The following SLC39A12 variants were observed in gnomAD, a reference collection of about 807,000 sequenced individuals.
The protein encoded by SLC39A12 is solute carrier family 39 member 12.
A neutral mutation model predicts 71.1 loss-of-function variants in SLC39A12; 63 were observed. The observed-to-expected ratio is 0.89, with a 90% confidence interval of 0.72 to 1.09. SLC39A12 has a LOEUF of 1.09. Ranked by LOEUF, SLC39A12 falls within the 50% of genes least tolerant of loss-of-function variation. The pLI, the probability that SLC39A12 is intolerant of heterozygous loss-of-function variation, is 0.00. For synonymous variants in SLC39A12, 351 were observed against 301.3 expected (o/e 1.16, Z -1.71); for missense variants, 892 against 812.6 (o/e 1.10, Z -1.19).
At chr10:17,999,294 C>CAAAAAAAAAAAAAAA (rs59734258) in intron 10 of SLC39A12, among the ~76,000 whole-genome samples, 2 of 70,362 alleles carry the variant, frequency 2.8e-5, no homozygotes, top group African/African-American at 7.5e-5. Context: ...GACTCCATCT[C>CAAAAAAAAAAAAAAA]AAAAAAAAAA....
chr10:18,022,640 C>T (rs1836564916), intron 12 of SLC39A12, among the ~76,000 whole-genome samples: 1 of 152,102 alleles, frequency 6.6e-6, no homozygotes, highest in African/African-American at 2.4e-5. Flanking sequence ...TCATTTCAGC[C>T]ATTTCATTCT....
intron 12 of SLC39A12, among the ~76,000 whole-genome samples, chr10:18,012,392 T>C (rs1836251900): frequency 6.6e-6 from 1 of 152,224 alleles, no homozygotes; most frequent in Non-Finnish European, 1.5e-5. Flanking sequence ...AGGGAAATCC[T>C]GGAGGGCCTT....
intron 12 of SLC39A12, 150 bp downstream of exon 12, chr10:18,003,508 G>A (rs564534257): frequency 1.7e-5 from 11 of 646,164 alleles, no homozygotes; most frequent in Middle Eastern, 4.3e-4. Context: ...TGTACTCCAA[G>A]AAAGTGCATT....
At chr10:18,038,756 A>G (rs539298130) in intron 12 of SLC39A12, among the ~76,000 whole-genome samples, 8 of 152,236 alleles carry the variant, frequency 5.3e-5, no homozygotes, top group Non-Finnish European at 1.2e-4. Context: ...TTTACAAGAT[A>G]TTAATTCTAG....
At chr10:18,031,100 A>G (rs1455338640) in intron 12 of SLC39A12, among the ~76,000 whole-genome samples, 1 of 147,340 alleles carries the variant, frequency 6.8e-6, no homozygotes, top group Non-Finnish European at 1.5e-5. Flanking sequence ...TAATGCCGCA[A>G]TAAACATACG....
At chr10:17,993,117 A>C (rs921114947) in intron 8 of SLC39A12, 64 bp from the exon 9 acceptor site, 1 of 1,189,260 alleles carries the variant, frequency 8.4e-7, no homozygotes, top group Non-Finnish European at 1.2e-6. Context: ...GAACCGTGGC[A>C]TTGACAAAGA....
chr10:18,038,099 T>TAA (rs141397286), intron 12 of SLC39A12, among the ~76,000 whole-genome samples: 4,960 of 139,564 alleles, frequency 0.036, 204 homozygotes, highest in African/African-American at 0.096. Context: ...TTATTTCGAT[T>TAA]AAAAAAAAAT....
chr10:17,968,639 T>C (rs538920848), intron 4 of SLC39A12, among the ~76,000 whole-genome samples: 6 of 152,248 alleles, frequency 3.9e-5, no homozygotes, highest in South Asian at 2.1e-4. Flanking sequence ...TTGATCCTTT[T>C]TTCTTTTTCT....
At position 17,961,695 on chromosome 10, in the gene SLC39A12, G is replaced by A. The variant is rs782401970; in HGVS notation, c.376G>A (p.Glu126Lys). Residue 126 changes from glutamate (E) to lysine (K), a missense_variant, in exon 3 of 13, where the codon GAA becomes AAA. Transcript: ENST00000377369. The stretch of plus-strand genomic sequence containing the variant: ...CCTTCTCTATTACATTATTCATCAG[G>A]AAGAGATCTGTTCTTCAAAGCTCAA... ...LLLLYYIIHQ[E>K]EICSSKLNMS... The A allele has an allele frequency of 3.1e-6, 5 of 1,613,854 alleles. No homozygotes were observed. Among genetic ancestry groups the A allele is most frequent in the Admixed American group, 1.7e-5 (1 of 59,992 alleles).
intron 12 of SLC39A12, among the ~76,000 whole-genome samples, chr10:18,040,455 C>T (rs1837190585): frequency 1.3e-5 from 2 of 152,034 alleles, no homozygotes; most frequent in African/African-American, 4.8e-5. Flanking sequence ...ATTCAGGGTG[C>T]TCCTCTCCAT....
chr10:17,986,786 G>C (rs1032553972), intron 6 of SLC39A12, among the ~76,000 whole-genome samples: 6 of 152,188 alleles, frequency 3.9e-5, no homozygotes, highest in Non-Finnish European at 8.8e-5. Flanking sequence ...CAGGAGGATT[G>C]CTTGAGCCCA....
intron 4 of SLC39A12, among the ~76,000 whole-genome samples, chr10:17,966,204 G>T (rs577002272): frequency 1.7e-4 from 26 of 152,266 alleles, no homozygotes; most frequent in African/African-American, 4.8e-4. Context: ...GTCAGAACTG[G>T]AATTAGAATG....
In SLC39A12 at chr10:17,961,666, T is replaced by G. The variant is rs1432625168; in HGVS notation, c.347T>G (p.Leu116Arg). The change falls in exon 3 of 13, where the codon CTT becomes CGT. Residue 116 changes from leucine to arginine, a missense_variant. Coordinates refer to ENST00000377369, the MANE Select transcript of SLC39A12 (RefSeq NM_001145195.2). ...GAAGAAGTGGTCCAGAGAGTTTCTC[T>G]TCTCCTTCTCTATTACATTATTCAT... ...LREEVVQRVS[L>R]LLLYYIIHQE... The G allele has an allele frequency of 6.2e-7, 1 of 1,613,928 alleles. No homozygotes were observed. The highest frequency in any genetic ancestry group is 1.7e-5 in the Admixed American group (1 of 60,024).
intron 10 of SLC39A12, among the ~76,000 whole-genome samples, 165 bp downstream of exon 10, chr10:17,995,887 C>G (rs1197521780): frequency 1.3e-5 from 2 of 152,218 alleles, no homozygotes; most frequent in East Asian, 3.8e-4. Context: ...CTATCCAGCT[C>G]TCAAATTGAC....
intron 12 of SLC39A12, among the ~76,000 whole-genome samples, chr10:18,022,851 T>C (rs998467758): frequency 2.0e-5 from 3 of 152,192 alleles, no homozygotes; most frequent in Non-Finnish European, 4.4e-5. Context: ...GTGCAAGTTC[T>C]TTTTTTGTGG....
chr10:18,040,473 A>G (rs1419464592), intron 12 of SLC39A12, among the ~76,000 whole-genome samples: 2 of 152,124 alleles, frequency 1.3e-5, no homozygotes, highest in African/African-American at 2.4e-5. Flanking sequence ...CATGTACTTA[A>G]AAATGTGTCA....
chr10:17,953,795 CATTT>C (rs1419845061), intron 2 of SLC39A12, among the ~76,000 whole-genome samples: 2 of 152,134 alleles, frequency 1.3e-5, no homozygotes, highest in Non-Finnish European at 2.9e-5. Flanking sequence ...TATTTAGAGG[CATTT>C]ATTTGTGAGC....
At chr10:18,034,846 G>A (rs1310185011) in intron 12 of SLC39A12, among the ~76,000 whole-genome samples, 3 of 149,432 alleles carry the variant, frequency 2.0e-5, no homozygotes, top group Non-Finnish European at 4.5e-5. Context: ...AGGCCTGGTG[G>A]TGACAAAATC....
intron 4 of SLC39A12, among the ~76,000 whole-genome samples, chr10:17,972,080 TC>T (rs1425110342): frequency 6.6e-6 from 1 of 152,220 alleles, no homozygotes; most frequent in African/African-American, 2.4e-5. Context: ...GTTAATTTAT[TC>T]ATTGATCCAT....
Sources: allele counts gnomAD v4.1 joint callset (sites outside exome capture counted in the v4.1 genomes callset), GRCh38; gene constraint gnomAD v4.1.1; transcripts MANE v1.5; gene names NCBI Gene and HGNC (gene_info 2026-07-23, HGNC 2026-07-21).